ATP9B: variants seen among roughly 807,000 people sequenced by gnomAD.
ATP9B encodes the protein probable phospholipid-transporting ATPase IIB.
A neutral mutation model predicts 146.1 loss-of-function variants in ATP9B; 110 were observed. That is an observed-to-expected ratio of 0.75 (90% CI 0.65 to 0.88). ATP9B has a LOEUF of 0.88. ATP9B is among the 40% of genes least tolerant of loss of function. The pLI is 0.00. For synonymous variants in ATP9B, 604 were observed against 569.7 expected, an observed-to-expected ratio of 1.06 and a Z score of -0.86; for missense variants, 1,499 against 1,496.4, an observed-to-expected ratio of 1.00 and a Z score of -0.03.
At chr18:79,110,328 A>G (rs1359852447) in intron 2 of ATP9B, 27 bp from the exon 3 acceptor site, 1 of 1,513,930 alleles carries the variant, frequency 6.6e-7, no homozygotes, top group South Asian at 1.3e-5. Context: ...AAAAAAATAC[A>G]CAATACGTAT....
intron 5 of ATP9B, among the ~76,000 whole-genome samples, chr18:79,136,159 A>G (rs2094445240): frequency 6.6e-6 from 1 of 152,194 alleles, no homozygotes; most frequent in Non-Finnish European, 1.5e-5. Flanking sequence ...AATTAATACA[A>G]CTAATACTAG....
chr18:79,287,550 A>C (rs1304739588), intron 13 of ATP9B, among the ~76,000 whole-genome samples: 1 of 151,386 alleles, frequency 6.6e-6, no homozygotes, highest in South Asian at 2.1e-4. Context: ...AATTTTGTTG[A>C]TCCTTTCAAA....
rs374039124 is a variant in ATP9B at position 79,347,783 on chromosome 18, C to T, written c.2696C>T (p.Ala899Val). 30 of 1,581,904 alleles carry T rather than the reference C, an allele frequency of 1.9e-5. No individual in the cohort carries two copies. Among genetic ancestry groups the T allele is most frequent in the Admixed American group, 7.1e-5 (4 of 55,960 alleles). ...CTTTTCTCTCAGGAGGGTAAACAGG[C>T]CTCGCTGGCGGCCGACTTCTCCATC... Reference protein sequence around the residue: ...IGIEGKEGKQASLAADFSITQ... With the variant: ...IGIEGKEGKQVSLAADFSITQ... The change falls in exon 24 of 30, where the codon GCC (alanine) becomes GTC (valine). Residue 899 changes from alanine (A) to valine (V), a missense_variant. Physicochemically the swap from Ala to Val is moderately conservative, Grantham distance 64. Transcript: ENST00000426216.
intron 19 of ATP9B, among the ~76,000 whole-genome samples, chr18:79,339,464 CAGT>C (rs1430519998): frequency 2.7e-5 from 4 of 149,742 alleles, no homozygotes; most frequent in South Asian, 2.1e-4. Flanking sequence ...GTCATGATCA[CAGT>C]AGGAAGTGTG....
chr18:79,122,523 A>G (rs910456509), intron 4 of ATP9B, among the ~76,000 whole-genome samples: 2 of 152,218 alleles, frequency 1.3e-5, no homozygotes, highest in African/African-American at 4.8e-5. Context: ...ATTTCATCAT[A>G]TGACTGTGCT....
intron 1 of ATP9B, chr18:79,087,820 TTTC>T (rs2073974402): frequency 6.6e-6 from 1 of 152,232 alleles, no homozygotes; most frequent in African/African-American, 2.4e-5. Flanking sequence ...GCTGTCCTTG[TTTC>T]TTAGCATGGC....
chr18:79,208,986 C>G (rs2095559851), intron 10 of ATP9B, among the ~76,000 whole-genome samples: 1 of 152,200 alleles, frequency 6.6e-6, no homozygotes. Flanking sequence ...TGCCCTCCAG[C>G]CTTCTTCATG....
At chr18:79,202,194 GATA>G (rs1296652374) in intron 9 of ATP9B, among the ~76,000 whole-genome samples, 1 of 152,192 alleles carries the variant, frequency 6.6e-6, no homozygotes, top group African/African-American at 2.4e-5. Context: ...TCTTTCCTCA[GATA>G]ATGTGAGAAC....
intron 1 of ATP9B, among the ~76,000 whole-genome samples, chr18:79,076,778 C>T (rs1367701080): frequency 6.6e-6 from 1 of 152,092 alleles, no homozygotes; most frequent in African/African-American, 2.4e-5. Flanking sequence ...CCTGGTGACA[C>T]CTTGTGAAAT....
intron 23 of ATP9B, among the ~76,000 whole-genome samples, chr18:79,346,990 A>G (rs1326142220): frequency 6.6e-6 from 1 of 152,180 alleles, no homozygotes; most frequent in Non-Finnish European, 1.5e-5. Flanking sequence ...CTGTTGGCGG[A>G]CTGGCGTACA....
chr18:79,092,918 A>G lies in ATP9B; in HGVS notation c.120-3558A>G, dbSNP rs588980. Among the ~76,000 whole-genome samples the G allele has an allele frequency of 4.0e-3, 612 of 152,358 alleles. 9 individuals are homozygous for G. Among genetic ancestry groups the G allele is most frequent in the African/African-American group, 0.014 (590 of 41,592 alleles). On this transcript the variant is annotated intron_variant, in intron 1 of 29. Transcript: ENST00000426216. The stretch of plus-strand genomic sequence containing the variant: ...AATAATGATACAGTATAGTAAATAC[A>G]TAAACCAATAGCATAGTCATTAGTT...
At chr18:79,133,123 C>T (rs1401973306) in intron 5 of ATP9B, among the ~76,000 whole-genome samples, 1 of 152,062 alleles carries the variant, frequency 6.6e-6, no homozygotes, top group Non-Finnish European at 1.5e-5. Context: ...AACTCCTGGC[C>T]TCAAATAATG....
At chr18:79,181,796 T>C (rs1313437230) in intron 8 of ATP9B, among the ~76,000 whole-genome samples, 2 of 152,222 alleles carry the variant, frequency 1.3e-5, no homozygotes, top group Non-Finnish European at 2.9e-5. Flanking sequence ...TATTCTTTCC[T>C]AATATGTATA....
intron 12 of ATP9B, among the ~76,000 whole-genome samples, chr18:79,267,308 T>C (rs1478719017): frequency 6.6e-6 from 1 of 152,116 alleles, no homozygotes; most frequent in East Asian, 1.9e-4. Flanking sequence ...GCTTTCTTTT[T>C]TTTCCTGACC....
At chr18:79,074,528 C>T (rs1234867968) in intron 1 of ATP9B, among the ~76,000 whole-genome samples, 1 of 152,240 alleles carries the variant, frequency 6.6e-6, no homozygotes, top group Non-Finnish European at 1.5e-5. Flanking sequence ...CCTGGCTCTC[C>T]CTAATGAGAG....
At chr18:79,200,935 C>T (rs1326309498) in intron 9 of ATP9B, among the ~76,000 whole-genome samples, 1 of 152,130 alleles carries the variant, frequency 6.6e-6, no homozygotes, top group African/African-American at 2.4e-5. Flanking sequence ...TTAGGACGGT[C>T]GGTTGGCCTC....
Position 79,377,548 on chromosome 18 carries a change from CCTT to C in ATP9B, c.*168_*170del, listed in dbSNP as rs2097109021. On this transcript the variant is annotated 3_prime_UTR_variant, in exon 30 of 30. Coordinates refer to ENST00000426216, the MANE Select transcript of ATP9B (RefSeq NM_198531.5). ...GGGCACAGATGCTGAGACAGCCTCT[CCTT>C]CTCAGTGCAGGGACGTCACCCCTGC... 3 of 907,454 alleles carry C rather than the reference CCTT, an allele frequency of 3.3e-6. No homozygotes were observed. The highest frequency in any genetic ancestry group is 4.9e-6 in the Non-Finnish European group (3 of 611,258). The allele number at this position is 907,454 out of a possible 1,614,324, so 56.2% of individuals were successfully genotyped here. A position where few individuals can be genotyped will look rare whatever the true frequency, so the allele number is the denominator to read the frequency against.
chr18:79,372,244 CCCTGCCTCCTGCCCCCTCGTCA>C (rs1340521176), intron 26 of ATP9B: 12 of 80,862 alleles, frequency 1.5e-4, no homozygotes, highest in South Asian at 1.1e-3. Context: ...CCCCCTCGTC[CCCTGCCTCCTGCCCCCTCGTCA>C]CCTGCCTTCA....
intron 10 of ATP9B, among the ~76,000 whole-genome samples, chr18:79,210,099 G>A (rs907723745): frequency 7.2e-5 from 11 of 152,162 alleles, no homozygotes; most frequent in African/African-American, 1.9e-4. Context: ...TGCAGCAGAC[G>A]AGAGGTGAGC....
Sources: gnomAD v4.1 joint callset for allele counts (sites outside exome capture counted in the v4.1 genomes callset) on GRCh38, gnomAD v4.1.1 for gene constraint, MANE v1.5 for transcripts, NCBI Gene and HGNC (gene_info 2026-07-23, HGNC 2026-07-21) for gene names.